CRCP: variants seen among roughly 807,000 people sequenced by gnomAD.
The protein encoded by CRCP is CGRP receptor component, also known as DNA-directed RNA polymerase III subunit RPC9.
CRCP carries 18 observed loss-of-function variants against 18.5 expected under a neutral mutation model. That is an observed-to-expected ratio of 0.97 (90% CI 0.67 to 1.44). The LOEUF is 1.44. Ranked by LOEUF, CRCP falls within the 40% of genes most tolerant of loss-of-function variation. The pLI, the probability that CRCP is intolerant of heterozygous loss-of-function variation, is 0.00. For missense variants in CRCP, 130 were observed against 176.4 expected (o/e 0.74, Z 1.49); for synonymous variants, 53 against 62.9 (o/e 0.84, Z 0.75).
At chr7:66,137,139 G>A (rs316334) in intron 4 of CRCP, among the ~76,000 whole-genome samples, 20 of 151,726 alleles carry the variant, frequency 1.3e-4, no homozygotes, top group African/African-American at 4.8e-4. Context: ...AAAACAACCC[G>A]CCAATACTGA....
Sources: gnomAD v4.1 joint callset for allele counts (sites outside exome capture counted in the v4.1 genomes callset) on GRCh38, gnomAD v4.1.1 for gene constraint, MANE v1.5 for transcripts, NCBI Gene and HGNC (gene_info 2026-07-23, HGNC 2026-07-21) for gene names.